SCLT1: variants seen among roughly 807,000 people sequenced by gnomAD.
SCLT1 encodes the protein sodium channel-associated protein 1.
SCLT1 carries 78 observed loss-of-function variants against 112.8 expected under a neutral mutation model. The observed-to-expected ratio is 0.69, with a 90% confidence interval of 0.58 to 0.83. SCLT1 has a LOEUF of 0.83. Ranked by LOEUF, SCLT1 falls within the 40% of genes least tolerant of loss-of-function variation. The pLI is 0.00. For missense variants in SCLT1, 747 were observed against 770.4 expected, an observed-to-expected ratio of 0.97 and a Z score of 0.36; for synonymous variants, 257 against 254.7, an observed-to-expected ratio of 1.01 and a Z score of -0.09.
At chr4:128,945,127 C>A (rs2125991908) in intron 16 of SCLT1, among the ~76,000 whole-genome samples, 1 of 152,286 alleles carries the variant, frequency 6.6e-6, no homozygotes, top group East Asian at 1.9e-4. Flanking sequence ...TCGATATCTC[C>A]TTTTACTGTA....
At chr4:128,917,398 ATTAT>A (rs1735562913) in intron 18 of SCLT1, among the ~76,000 whole-genome samples, 1 of 152,156 alleles carries the variant, frequency 6.6e-6, no homozygotes, top group South Asian at 2.1e-4. Context: ...ATTATTATGT[ATTAT>A]TTAAGTGCCA....
intron 5 of SCLT1, among the ~76,000 whole-genome samples, chr4:129,030,976 A>G (rs954091199): frequency 6.6e-6 from 1 of 152,130 alleles, no homozygotes; most frequent in East Asian, 1.9e-4. Context: ...TCATTTTATG[A>G]GGCCAGCATC....
chr4:129,001,992 T>C (rs1344762121), intron 6 of SCLT1, among the ~76,000 whole-genome samples: 1 of 152,074 alleles, frequency 6.6e-6, no homozygotes, highest in Non-Finnish European at 1.5e-5. Context: ...TTAAAAATTC[T>C]TTCCATTCAT....
chr4:128,985,996 G>T (rs1742058873), intron 9 of SCLT1, among the ~76,000 whole-genome samples: 1 of 152,158 alleles, frequency 6.6e-6, no homozygotes, highest in Non-Finnish European at 1.5e-5. Flanking sequence ...ACCCACATAA[G>T]AAAGCACCTT....
chr4:129,075,331 G>A (rs72685341), intron 2 of SCLT1, among the ~76,000 whole-genome samples: 19 of 152,162 alleles, frequency 1.2e-4, no homozygotes, highest in East Asian at 9.7e-4. Context: ...TAATCCTTTC[G>A]TTTATATCAT....
intron 2 of SCLT1, among the ~76,000 whole-genome samples, chr4:129,051,489 T>C (rs905167588): frequency 2.0e-5 from 3 of 152,208 alleles, no homozygotes; most frequent in Non-Finnish European, 2.9e-5. Context: ...TTTATAACAA[T>C]TGTGAATGGG....
chr4:128,876,476 T>G (rs1280028111), intron 4 of SCLT1: 2 of 152,222 alleles, frequency 1.3e-5, no homozygotes. Flanking sequence ...GTTCATGTTT[T>G]CACCCAAATC....
rs145309047 is a variant in SCLT1, at chr4:128,946,552, A to G, written c.1294-400T>C. ...TGTCCACTGTACTCCAGTCTGGATA[A>G]TCGGGCAAGACCTTGTCTCTTAAAA... is the stretch of plus-strand genomic sequence containing the variant. On this transcript the variant is annotated intron_variant, in intron 15 of 20. Transcript: ENST00000281142. Among the ~76,000 whole-genome samples the G allele has an allele frequency of 1.6e-3, 249 of 152,238 alleles. 2 individuals carry two copies. The highest frequency in any genetic ancestry group is 0.014 in the East Asian group (71 of 5,170).
downstream of SCLT1, among the ~76,000 whole-genome samples, chr4:128,883,372 G>A (rs1028553171): frequency 2.0e-5 from 3 of 151,776 alleles, no homozygotes; most frequent in African/African-American, 7.3e-5. Context: ...TCAGCTCCAC[G>A]CAGAAGACTC....
chr4:128,890,135 T>A (rs1235788526), intron 19 of SCLT1, among the ~76,000 whole-genome samples: 1 of 152,174 alleles, frequency 6.6e-6, no homozygotes. Context: ...TCTGTAATAA[T>A]CATTTTCATA....
chr4:128,977,138 G>C (rs1741246744), intron 9 of SCLT1, among the ~76,000 whole-genome samples: 1 of 152,174 alleles, frequency 6.6e-6, no homozygotes, highest in Non-Finnish European at 1.5e-5. Context: ...ACAATTCTGA[G>C]AGAGATGGTG....
At chr4:129,018,152 A>G (rs1745150365) in intron 5 of SCLT1, among the ~76,000 whole-genome samples, 1 of 152,240 alleles carries the variant, frequency 6.6e-6, no homozygotes, top group Non-Finnish European at 1.5e-5. Context: ...GCCACAAAAT[A>G]GATGCCTCAG....
intron 18 of SCLT1, among the ~76,000 whole-genome samples, chr4:128,929,428 C>T (rs774084244): frequency 3.3e-5 from 5 of 152,038 alleles, no homozygotes; most frequent in African/African-American, 7.3e-5. Flanking sequence ...ACTAAAATTC[C>T]ATCAAATTTA....
rs146197988 is a variant in SCLT1 at position 128,935,501 on chromosome 4, C to T, written c.1829+1154G>A. On this transcript the variant is annotated intron_variant, in intron 18 of 20. Coordinates refer to ENST00000281142, the MANE Select transcript of SCLT1 (RefSeq NM_144643.4). ...TCTGTGTATTCATTATCTATGTGAT[C>T]TTATACAAGTTCCTTAACCTCCTTT... 1.6e-3 allele frequency among the ~76,000 whole-genome samples: 237 copies of T among 152,076 alleles called. 2 individuals are homozygous for T. The highest frequency in any genetic ancestry group is 0.014 in the East Asian group (70 of 5,180).
chr4:128,957,076 C>T lies in SCLT1; in HGVS notation c.1096G>A (p.Glu366Lys), dbSNP rs778908118. The T allele has an allele frequency of 4.4e-6, 7 of 1,602,490 alleles. No individual in the cohort carries two copies. In the African/African-American group the frequency reaches 9.4e-5, roughly 22 times the overall value. Residue 366 changes from glutamate to lysine, a missense_variant, in exon 13 of 21, where the codon GAG (glutamate) becomes AAG (lysine). Around this residue, in one of 2 missense-constraint regions of SCLT1, gnomAD observed 723 missense variants for 721.3 expected, o/e 1.00. Coordinates refer to ENST00000281142, the MANE Select transcript of SCLT1 (RefSeq NM_144643.4). The part of the protein sequence containing the change: ...QKEEDIEKMK[E>K]TVSRFVQDAT... ...TCTTGTACAAACCGAGAAACTGTCT[C>T]TTTCATTTTCTCTATGTCTTCTTCT...
intron 2 of SCLT1, among the ~76,000 whole-genome samples, chr4:129,067,879 T>G (rs927970110): frequency 6.6e-6 from 1 of 151,042 alleles, no homozygotes; most frequent in Non-Finnish European, 1.5e-5. Flanking sequence ...GGGGAACAGG[T>G]GGTGTTTGGT....
At chr4:129,008,919 C>A (rs1744268562) in intron 5 of SCLT1, among the ~76,000 whole-genome samples, 1 of 152,150 alleles carries the variant, frequency 6.6e-6, no homozygotes, top group Non-Finnish European at 1.5e-5. Context: ...GAAGTATTTG[C>A]TTTTCTGTTT....
chr4:129,085,819 C>A (rs924038232), intron 1 of SCLT1, among the ~76,000 whole-genome samples: 1 of 151,960 alleles, frequency 6.6e-6, no homozygotes, highest in Non-Finnish European at 1.5e-5. Flanking sequence ...ATGATGAGAA[C>A]ACATGGAGGG....
At chr4:129,060,653 T>C (rs200512503) in intron 2 of SCLT1, among the ~76,000 whole-genome samples, 2 of 152,044 alleles carry the variant, frequency 1.3e-5, no homozygotes, top group African/African-American at 4.8e-5. Flanking sequence ...TTTGTGGCAG[T>C]GGTGGTATGG....
Sources: gnomAD v4.1 joint callset for allele counts (sites outside exome capture counted in the v4.1 genomes callset) on GRCh38, gnomAD v4.1.1 for gene constraint, gnomAD v4.1.1 regional missense constraint, MANE v1.5 for transcripts, NCBI Gene and HGNC (gene_info 2026-07-23, HGNC 2026-07-21) for gene names.